PLCL1: variants seen among roughly 807,000 people sequenced by gnomAD.
PLCL1 encodes inactive phospholipase C-like protein 1.
PLCL1 carries 41 observed loss-of-function variants against 84.4 expected under a neutral mutation model. That is an observed-to-expected ratio of 0.49 (90% CI 0.38 to 0.63). The LOEUF is 0.63. Among genes scored for constraint, PLCL1 ranks in the 30% least tolerant of loss-of-function variants. The pLI, the probability that PLCL1 is intolerant of heterozygous loss-of-function variation, is 0.00. For synonymous variants in PLCL1, 490 were observed against 488.3 expected, an observed-to-expected ratio of 1.00 and a Z score of -0.05; for missense variants, 1,206 against 1,367.8, an observed-to-expected ratio of 0.88 and a Z score of 1.87.
intron 5 of PLCL1, among the ~76,000 whole-genome samples, chr2:198,141,281 TA>T (rs1694379891): frequency 6.6e-6 from 1 of 152,208 alleles, no homozygotes; most frequent in South Asian, 2.1e-4. Flanking sequence ...TGGACACTTC[TA>T]TTTTTGTGCA....
rs45438997 is a variant in PLCL1 at position 198,085,224 on chromosome 2, G to T, written c.1707G>T (p.Ser569=). Residue 569 remains serine (S), a synonymous_variant, in exon 2 of 6, where the codon TCG becomes TCT. Coordinates refer to ENST00000428675, the MANE Select transcript of PLCL1 (RefSeq NM_006226.4). This position sits in a 1 kb window ranked among gnomAD's most constrained non-coding sequence, Gnocchi z 5.3. Reference sequence around the variant, plus strand: ...AAGCTGAAATGTCTCGAAGGATGTCGGTAGATTACAATGGTGAGCAGAAGC... The same window carrying T: ...AAGCTGAAATGTCTCGAAGGATGTCTGTAGATTACAATGGTGAGCAGAAGC... ...DEEAEMSRRM[S]VDYNGEQKQI... is the part of the protein sequence containing the mutation. 15 of 1,613,898 alleles carry T rather than the reference G, an allele frequency of 9.3e-6. No homozygotes were observed. Among genetic ancestry groups the T allele is most frequent in the Non-Finnish European group, 1.2e-5 (14 of 1,179,924 alleles).
chr2:197,933,336 T>A (rs559823648), intron 1 of PLCL1, among the ~76,000 whole-genome samples: 2 of 150,362 alleles, frequency 1.3e-5, no homozygotes, highest in Non-Finnish European at 3.0e-5. Context: ...CGATCTCGGC[T>A]CACTGCAAAC....
At chr2:198,083,463 A>G (rs889016258) in intron 1 of PLCL1, among the ~76,000 whole-genome samples, 2 of 152,196 alleles carry the variant, frequency 1.3e-5, no homozygotes, top group Non-Finnish European at 2.9e-5. Flanking sequence ...AGGCACCAGC[A>G]TGAGGTTCTT....
chr2:198,003,478 T>C (rs930357784), intron 1 of PLCL1, among the ~76,000 whole-genome samples: 1 of 152,214 alleles, frequency 6.6e-6, no homozygotes, highest in African/African-American at 2.4e-5. Context: ...TGGACTCTTG[T>C]ATTGGTTCGT....
chr2:197,880,674 T>G (rs1200439620), intron 1 of PLCL1, among the ~76,000 whole-genome samples: 1 of 152,144 alleles, frequency 6.6e-6, no homozygotes, highest in Non-Finnish European at 1.5e-5. Context: ...ACATTATGTA[T>G]AGGAGAAAAG....
chr2:197,937,337 T>C (rs1559050497), intron 1 of PLCL1, among the ~76,000 whole-genome samples: 1 of 152,224 alleles, frequency 6.6e-6, no homozygotes, highest in Non-Finnish European at 1.5e-5. Context: ...TTGGTGGGGA[T>C]TGCATTGAAT....
intron 1 of PLCL1, among the ~76,000 whole-genome samples, chr2:197,888,679 T>C (rs909698620): frequency 6.6e-6 from 1 of 152,236 alleles, no homozygotes; most frequent in Non-Finnish European, 1.5e-5. Context: ...CTGAACTATC[T>C]TGCATATTGG....
At chr2:197,925,384 A>T (rs145573970) in intron 1 of PLCL1, among the ~76,000 whole-genome samples, 329 of 152,288 alleles carry the variant, frequency 2.2e-3, no homozygotes, top group African/African-American at 7.5e-3. Flanking sequence ...AATCATCAAC[A>T]TTCAGCTTCT....
intron 1 of PLCL1, among the ~76,000 whole-genome samples, chr2:197,883,323 T>A (rs1010705838): frequency 9.2e-5 from 14 of 152,204 alleles, no homozygotes; most frequent in African/African-American, 3.4e-4. Context: ...TCAGATTTTC[T>A]CTGTTGTATG....
chr2:198,038,351 G>T (rs532514545), intron 1 of PLCL1, among the ~76,000 whole-genome samples: 1 of 152,044 alleles, frequency 6.6e-6, no homozygotes, highest in Non-Finnish European at 1.5e-5. Context: ...CAACTTTATT[G>T]TAAGTCTGTG....
At chr2:198,001,667 C>T (rs1459034554) in intron 1 of PLCL1, among the ~76,000 whole-genome samples, 1 of 152,066 alleles carries the variant, frequency 6.6e-6, no homozygotes, top group Non-Finnish European at 1.5e-5. Context: ...GGCTCTAGAG[C>T]AGGGGTTCCC....
chr2:198,097,911 A>G (rs750014540), intron 3 of PLCL1, among the ~76,000 whole-genome samples: 1 of 152,216 alleles, frequency 6.6e-6, no homozygotes, highest in African/African-American at 2.4e-5. Context: ...TGATTGCTTA[A>G]AAACAACATG....
chr2:198,042,129 T>C (rs1256323429), intron 1 of PLCL1, among the ~76,000 whole-genome samples: 1 of 152,178 alleles, frequency 6.6e-6, no homozygotes, highest in Admixed American at 6.5e-5. Flanking sequence ...TTTTTGTTCT[T>C]TGATAAAATG....
chr2:197,901,335 T>A, intron 1 of PLCL1, among the ~76,000 whole-genome samples: 1 of 152,188 alleles, frequency 6.6e-6, no homozygotes, highest in Non-Finnish European at 1.5e-5. Context: ...AAATATACAA[T>A]CTTTTTGATA....
At chr2:198,053,216 G>A (rs572285912) in intron 1 of PLCL1, among the ~76,000 whole-genome samples, 5 of 152,270 alleles carry the variant, frequency 3.3e-5, no homozygotes, top group African/African-American at 9.6e-5. Context: ...CTAATCATTG[G>A]CCTTTTTTGC....
At position 198,084,677 on chromosome 2, in the gene PLCL1, A is replaced by T; in HGVS notation, c.1160A>T (p.Asp387Val). Residue 387 changes from aspartate to valine, a missense_variant, in exon 2 of 6, where the codon GAC becomes GTC. By Grantham distance (152) the Asp-to-Val change is radical (BLOSUM62 -3). Coordinates refer to ENST00000428675, the MANE Select transcript of PLCL1 (RefSeq NM_006226.4). Reference protein sequence around the residue: ...FTQYLLSSECDIFDPEQKKVA... With the variant: ...FTQYLLSSECVIFDPEQKKVA... ...CAGTATTTATTGTCATCAGAATGTG[A>T]CATTTTTGATCCTGAGCAAAAGAAG... 2 of 1,614,034 alleles carry T rather than the reference A, an allele frequency of 1.2e-6. No homozygotes were observed. Among genetic ancestry groups the T allele is most frequent in the Non-Finnish European group, 1.7e-6 (2 of 1,179,940 alleles).
At chr2:198,004,178 C>G (rs1169136036) in intron 1 of PLCL1, among the ~76,000 whole-genome samples, 1 of 151,850 alleles carries the variant, frequency 6.6e-6, no homozygotes, top group Non-Finnish European at 1.5e-5. Flanking sequence ...GGGCCAATTT[C>G]TACAAATGTT....
chr2:197,923,158 G>A (rs1688748231), intron 1 of PLCL1, among the ~76,000 whole-genome samples: 1 of 144,580 alleles, frequency 6.9e-6, no homozygotes, highest in African/African-American at 2.6e-5. Flanking sequence ...GGGCGGCCGG[G>A]CAGAGGCGCC....
At chr2:198,006,242 T>C (rs1184865145) in intron 1 of PLCL1, among the ~76,000 whole-genome samples, 1 of 152,206 alleles carries the variant, frequency 6.6e-6, no homozygotes, top group Non-Finnish European at 1.5e-5. Context: ...TGTTGAGTGA[T>C]AATGGCATTA....
Sources: gnomAD v4.1 joint callset for allele counts (sites outside exome capture counted in the v4.1 genomes callset) on GRCh38, gnomAD v4.1.1 for gene constraint, Gnocchi (gnomAD v3.1) non-coding constraint, MANE v1.5 for transcripts, NCBI Gene and HGNC (gene_info 2026-07-23, HGNC 2026-07-21) for gene names.